The following NLRP8 variants were observed in gnomAD, a reference collection of about 807,000 sequenced individuals.
NLRP8 encodes NACHT, LRR and PYD domains-containing protein 8.
NLRP8 carries 86 observed loss-of-function variants against 88.7 expected under a neutral mutation model. That is an observed-to-expected ratio of 0.97 (90% CI 0.81 to 1.16). The LOEUF (loss-of-function observed/expected upper bound fraction) is 1.16. Among genes scored for constraint, NLRP8 ranks in the 50% most tolerant of loss-of-function variants. The probability of loss-of-function intolerance (pLI) is 0.00; values close to 1 mark genes in which losing one functional copy is unlikely to be tolerated. For synonymous variants in NLRP8, 504 were observed against 494.6 expected (o/e 1.02, Z -0.25); for missense variants, 1,342 against 1,286.5 (o/e 1.04, Z -0.66).
intron 8 of NLRP8, among the ~76,000 whole-genome samples, chr19:55,976,813 C>T (rs2123222877): frequency 2.8e-5 from 1 of 35,808 alleles, no homozygotes. Context: ...GGCGCGGTGG[C>T]TCACGCCTAT....
At chr19:55,975,270 A>C (rs778855195) in intron 7 of NLRP8, among the ~76,000 whole-genome samples, 2 of 152,222 alleles carry the variant, frequency 1.3e-5, no homozygotes, top group African/African-American at 2.4e-5. Flanking sequence ...TGTTTGTGAA[A>C]GGCAAGAGGT....
At chr19:55,959,581 G>A (rs529849014) in intron 3 of NLRP8, among the ~76,000 whole-genome samples, 6 of 152,232 alleles carry the variant, frequency 3.9e-5, no homozygotes, top group Admixed American at 2.0e-4. Context: ...AACTTTATCA[G>A]CAGGGATATC....
In NLRP8 at chr19:55,979,527, G is replaced by A; in HGVS notation, c.3010G>A (p.Ala1004Thr). Residue 1004 changes from alanine (A) to threonine (T), a missense_variant, in exon 9 of 10, where the codon GCC becomes ACC. Ala to Thr is a moderately conservative substitution (Grantham distance 58). Coordinates refer to ENST00000291971, the MANE Select transcript of NLRP8 (RefSeq NM_176811.2). ...CTATGGTATTCTGACCTTGTGCGAGGCCTTCTCAAGCCAAAAGAAGAGAGA... is the reference window on the plus strand; with the variant it reads ...CTATGGTATTCTGACCTTGTGCGAGACCTTCTCAAGCCAAAAGAAGAGAGA... 1 of 1,614,204 alleles carries A rather than the reference G, an allele frequency of 6.2e-7. No homozygotes were observed. The highest frequency in any genetic ancestry group is 8.5e-7 in the Non-Finnish European group (1 of 1,180,024).
intron 5 of NLRP8, among the ~76,000 whole-genome samples, chr19:55,966,805 G>A (rs976482313): frequency 6.6e-5 from 10 of 152,174 alleles, no homozygotes; most frequent in South Asian, 2.1e-4. Context: ...GACAGAGGGC[G>A]ACTCTGTCTA....
chr19:55,987,245 C>A (rs1980889653), intron 9 of NLRP8, among the ~76,000 whole-genome samples: 2 of 152,190 alleles, frequency 1.3e-5, no homozygotes, highest in African/African-American at 4.8e-5. Context: ...TGGCATGTGC[C>A]TATAATCCCA....
At chr19:55,984,264 T>A (rs1980700629) in intron 9 of NLRP8, among the ~76,000 whole-genome samples, 1 of 152,028 alleles carries the variant, frequency 6.6e-6, no homozygotes, top group Non-Finnish European at 1.5e-5. Flanking sequence ...CAACTCGATA[T>A]ATGAAAATAA....
chr19:55,969,530 A>G (rs1274939888), intron 5 of NLRP8, among the ~76,000 whole-genome samples: 2 of 152,124 alleles, frequency 1.3e-5, no homozygotes, highest in African/African-American at 2.4e-5. Flanking sequence ...AGTGGGTTCC[A>G]TATCTTTGCA....
At position 55,988,148 on chromosome 19, in the gene NLRP8, A is replaced by G. The variant is rs942018106; in HGVS notation, c.*235A>G. Reference sequence around the variant, plus strand: ...TGGCTCACGCCTGTAACCCAGCACTATGGGAGGTCGAGGTGGGCAGATTAC... The same window carrying G: ...TGGCTCACGCCTGTAACCCAGCACTGTGGGAGGTCGAGGTGGGCAGATTAC... On this transcript the variant is annotated 3_prime_UTR_variant, in exon 10 of 10. Transcript: ENST00000291971. 3.1e-6 allele frequency: 1 copy of G among 324,118 alleles called. No homozygotes were observed. Among genetic ancestry groups the G allele is most frequent in the Non-Finnish European group, 5.8e-6 (1 of 173,090 alleles). 20.1% of individuals were successfully genotyped at this position (324,118 alleles called of 1,614,324 possible).
At chr19:55,956,157 G>C (rs1979348428) in intron 3 of NLRP8, 57 bp downstream of exon 3, 1 of 1,524,576 alleles carries the variant, frequency 6.6e-7, no homozygotes, top group Non-Finnish European at 8.8e-7. Context: ...CTTGACTATG[G>C]TGTCCCGGGT....
intron 1 of NLRP8, among the ~76,000 whole-genome samples, chr19:55,952,141 G>A (rs763657363): frequency 2.0e-5 from 3 of 152,102 alleles, no homozygotes; most frequent in Non-Finnish European, 4.4e-5. Context: ...TGATCCCACC[G>A]ATGTAGATCC....
chr19:55,977,320 CTTATT>C (rs1280326374), intron 8 of NLRP8, among the ~76,000 whole-genome samples: 2 of 143,042 alleles, frequency 1.4e-5, no homozygotes, highest in African/African-American at 5.1e-5. Context: ...TATGTAGATA[CTTATT>C]TTATATATTA....
At chr19:55,971,887 G>A (rs1331299345) in intron 6 of NLRP8, among the ~76,000 whole-genome samples, 1 of 151,906 alleles carries the variant, frequency 6.6e-6, no homozygotes, top group Non-Finnish European at 1.5e-5. Flanking sequence ...GGTACCTTAT[G>A]GTTTTAATTT....
intron 4 of NLRP8, among the ~76,000 whole-genome samples, 154 bp from the exon 5 acceptor site, chr19:55,966,059 T>C (rs1376108583): frequency 6.6e-6 from 1 of 152,174 alleles, no homozygotes; most frequent in Non-Finnish European, 1.5e-5. Context: ...TGTGTCACTC[T>C]TTAATGTCTG....
At chr19:55,985,296 C>G (rs1980757720) in intron 9 of NLRP8, among the ~76,000 whole-genome samples, 1 of 150,500 alleles carries the variant, frequency 6.6e-6, no homozygotes, top group Admixed American at 6.6e-5. Flanking sequence ...GTGTGAGACT[C>G]TGTCTCAAAA....
At chr19:55,975,843 C>T (rs981805624) in intron 7 of NLRP8, among the ~76,000 whole-genome samples, 4 of 151,992 alleles carry the variant, frequency 2.6e-5, no homozygotes, top group Admixed American at 6.6e-5. Flanking sequence ...CAAAAATATT[C>T]CAAACCGAAC....
chr19:55,972,678 C>T (rs910097757), intron 6 of NLRP8, among the ~76,000 whole-genome samples: 19 of 151,788 alleles, frequency 1.3e-4, no homozygotes, highest in African/African-American at 4.1e-4. Context: ...GAACATACGA[C>T]GTTTGGTTTC....
intron 4 of NLRP8, among the ~76,000 whole-genome samples, chr19:55,962,682 A>C (rs746348594): frequency 6.6e-6 from 1 of 152,126 alleles, no homozygotes; most frequent in East Asian, 1.9e-4. Context: ...TGGGAGGCTG[A>C]GGTGGGAGGA....
At chr19:55,958,821 G>T (rs1189069603) in intron 3 of NLRP8, among the ~76,000 whole-genome samples, 1 of 152,126 alleles carries the variant, frequency 6.6e-6, no homozygotes, top group Non-Finnish European at 1.5e-5. Flanking sequence ...AAAGTGCGGG[G>T]ATTACAGGTG....
intron 3 of NLRP8, among the ~76,000 whole-genome samples, chr19:55,960,086 C>T (rs1979544097): frequency 6.6e-6 from 1 of 151,836 alleles, no homozygotes; most frequent in African/African-American, 2.4e-5. Context: ...AGAATTCCTT[C>T]ATTATCCTGT....
Sources: gnomAD v4.1 joint callset for allele counts (sites outside exome capture counted in the v4.1 genomes callset) on GRCh38, gnomAD v4.1.1 for gene constraint, MANE v1.5 for transcripts, NCBI Gene and HGNC (gene_info 2026-07-23, HGNC 2026-07-21) for gene names.